The following TAFA5 variants were observed in gnomAD, a reference collection of about 807,000 sequenced individuals.
TAFA5 encodes TAFA chemokine like family member 5.
In TAFA5, 6 loss-of-function variants were observed where a neutral mutation model predicts 15.3. The observed-to-expected ratio is 0.39, with a 90% CI of 0.21 to 0.77. TAFA5 has a LOEUF of 0.77. Ranked by LOEUF, TAFA5 falls within the 30% of genes least tolerant of loss-of-function variation. The pLI is 0.41. For synonymous variants in TAFA5, 103 were observed against 80.7 expected, an observed-to-expected ratio of 1.28 and a Z score of -1.48; for missense variants, 161 against 193.1, an observed-to-expected ratio of 0.83 and a Z score of 0.98.
chr22:48,513,775 G>A (rs1921308800), intron 1 of TAFA5, among the ~76,000 whole-genome samples: 1 of 152,186 alleles, frequency 6.6e-6, no homozygotes, highest in African/African-American at 2.4e-5. Context: ...TCTCCTCGGT[G>A]ACTCACAGAG....
At chr22:48,677,406 C>G (rs1019420515) in intron 2 of TAFA5, among the ~76,000 whole-genome samples, 1 of 152,206 alleles carries the variant, frequency 6.6e-6, no homozygotes, top group Non-Finnish European at 1.5e-5. Context: ...GGTGGCCGGG[C>G]CACGCGATTG....
chr22:48,614,252 A>C (rs751751071), intron 1 of TAFA5, among the ~76,000 whole-genome samples: 1 of 152,202 alleles, frequency 6.6e-6, no homozygotes, highest in Non-Finnish European at 1.5e-5. Context: ...ATAGATACAA[A>C]ACCGTGAAGA....
chr22:48,683,892 C>T (rs1051140291), intron 2 of TAFA5, among the ~76,000 whole-genome samples: 15 of 152,144 alleles, frequency 9.9e-5, no homozygotes, highest in Admixed American at 3.3e-4. Context: ...CCCCCGTTGC[C>T]GGCTCTCCCT....
chr22:48,577,157 T>C (rs1470192365), intron 1 of TAFA5, among the ~76,000 whole-genome samples: 2 of 152,236 alleles, frequency 1.3e-5, no homozygotes, highest in Non-Finnish European at 2.9e-5. Context: ...CCCTGCTCTC[T>C]TGGTCTTTGC....
At chr22:48,547,236 C>A (rs367766124) in intron 1 of TAFA5, 1 of 152,328 alleles carries the variant, frequency 6.6e-6, no homozygotes, top group African/African-American at 2.4e-5. Context: ...GGCTCCCCTG[C>A]GCCTAGTGGG....
intron 1 of TAFA5, among the ~76,000 whole-genome samples, chr22:48,571,581 T>TG (rs1923590914): frequency 7.9e-6 from 1 of 126,794 alleles, no homozygotes; most frequent in Non-Finnish European, 1.6e-5. Context: ...CCTGTTTTTT[T>TG]TTTTTTTTTT....
chr22:48,737,521 G>A lies in TAFA5; in HGVS notation c.391-12318G>A, dbSNP rs550736239. 1.1e-3 allele frequency among the ~76,000 whole-genome samples: 167 copies of A among 152,326 alleles called. No homozygotes were observed. The Middle Eastern group carries it at 0.014, about 12-fold the overall frequency. ...TGTGGTCGCCCCTGATGCCAGCCGGGGTCTTCTCCTGGGGCTGGGAGAGGG... is the reference window on the plus strand; with the variant it reads ...TGTGGTCGCCCCTGATGCCAGCCGGAGTCTTCTCCTGGGGCTGGGAGAGGG... On this transcript the variant is annotated intron_variant, in intron 3 of 3. Transcript: ENST00000402357.
At chr22:48,643,266 G>T (rs920145070) in intron 1 of TAFA5, among the ~76,000 whole-genome samples, 6 of 152,078 alleles carry the variant, frequency 3.9e-5, no homozygotes, top group Non-Finnish European at 8.8e-5. Flanking sequence ...GATCTGTTAC[G>T]CAGGAAGCTC....
At chr22:48,707,915 C>T in intron 3 of TAFA5, 71 bp downstream of exon 3, 1 of 1,551,106 alleles carries the variant, frequency 6.4e-7, no homozygotes, top group African/African-American at 1.3e-5. Flanking sequence ...CCGACGCCAC[C>T]CGGGCTCCGC....
intron 1 of TAFA5, among the ~76,000 whole-genome samples, chr22:48,563,297 G>A (rs113635559): frequency 0.026 from 3,906 of 152,230 alleles, 138 homozygotes; most frequent in African/African-American, 0.087. Context: ...GGTTTCCAGA[G>A]ACTTCCATGA....
intron 2 of TAFA5, among the ~76,000 whole-genome samples, chr22:48,655,880 C>T (rs1056826656): frequency 7.9e-6 from 1 of 126,126 alleles, no homozygotes. Context: ...CGCTCTGTTA[C>T]CCAGGCTGGA....
At chr22:48,609,898 C>G (rs968048505) in intron 1 of TAFA5, among the ~76,000 whole-genome samples, 2 of 152,234 alleles carry the variant, frequency 1.3e-5, no homozygotes, top group African/African-American at 4.8e-5. Context: ...GCCGTCCTCC[C>G]TCTGTGTCCT....
intron 1 of TAFA5, among the ~76,000 whole-genome samples, chr22:48,531,348 C>T (rs575791667): frequency 1.3e-5 from 2 of 152,260 alleles, no homozygotes; most frequent in African/African-American, 2.4e-5. Context: ...TCTGGGGCAC[C>T]GGCCTGCCTG....
At chr22:48,572,742 G>C (rs1156860298) in intron 1 of TAFA5, among the ~76,000 whole-genome samples, 2 of 152,178 alleles carry the variant, frequency 1.3e-5, no homozygotes, top group Non-Finnish European at 2.9e-5. Context: ...GCCTATTTTT[G>C]ATACAGTAAT....
chr22:48,586,299 C>T (rs945365825), intron 1 of TAFA5, among the ~76,000 whole-genome samples: 1 of 152,264 alleles, frequency 6.6e-6, no homozygotes, highest in Non-Finnish European at 1.5e-5. Flanking sequence ...CCTCCTGCTG[C>T]AGGCTGCATC....
rs915354957 is a variant in TAFA5, at chr22:48,604,772, A to G, written c.113-41825A>G. Among the ~76,000 whole-genome samples the G allele has an allele frequency of 2.0e-5, 3 of 152,094 alleles. 1 individual carries two copies. Among genetic ancestry groups the G allele is most frequent in the African/African-American group, 7.2e-5 (3 of 41,420 alleles). On this transcript the variant is annotated intron_variant, in intron 1 of 3. Transcript: ENST00000402357. ...AGGAACAGGAATTTGGGGAGGATTG[A>G]GGGGCCCAGGGCAGGCTGGGGGCCT...
At chr22:48,633,641 CAAG>C (rs1926329261) in intron 1 of TAFA5, among the ~76,000 whole-genome samples, 1 of 151,618 alleles carries the variant, frequency 6.6e-6, no homozygotes, top group South Asian at 2.1e-4. Context: ...TGAACGGAGC[CAAG>C]AAGGGAGGCT....
At chr22:48,694,806 G>T (rs1309657206) in intron 2 of TAFA5, among the ~76,000 whole-genome samples, 47 of 27,222 alleles carry the variant, frequency 1.7e-3, no homozygotes, top group Middle Eastern at 0.017. Context: ...CCAGACCTCC[G>T]CCCCCACCCG....
At chr22:48,653,747 T>C (rs1374805233) in intron 2 of TAFA5, among the ~76,000 whole-genome samples, 1 of 152,136 alleles carries the variant, frequency 6.6e-6, no homozygotes. Flanking sequence ...GTTCTGCTGC[T>C]GAGAACATGA....
Sources: gnomAD v4.1 joint callset for allele counts (sites outside exome capture counted in the v4.1 genomes callset) on GRCh38, gnomAD v4.1.1 for gene constraint, MANE v1.5 for transcripts, NCBI Gene and HGNC (gene_info 2026-07-23, HGNC 2026-07-21) for gene names.